Variants in TANK observed in about 807,000 individuals in gnomAD.
The protein encoded by TANK is TRAF family member associated NFKB activator.
In TANK, 15 loss-of-function variants were observed where a neutral mutation model predicts 43.6. The ratio of observed to expected loss-of-function variants is 0.34; its 90% CI spans 0.23 to 0.53. The LOEUF (loss-of-function observed/expected upper bound fraction) is 0.53, where lower values mean the gene tolerates loss of function less well. TANK is among the 20% of genes least tolerant of loss of function. The pLI is 0.94. For missense variants in TANK, 417 were observed against 498.6 expected, an observed-to-expected ratio of 0.84 and a Z score of 1.56; for synonymous variants, 162 against 178.2, an observed-to-expected ratio of 0.91 and a Z score of 0.73.
At chr2:161,209,132 T>A (rs928153292) in intron 4 of TANK, among the ~76,000 whole-genome samples, 1 of 152,194 alleles carries the variant, frequency 6.6e-6, no homozygotes, top group Non-Finnish European at 1.5e-5. Flanking sequence ...GGAAAAAATA[T>A]CATAGCCTGT....
intron 4 of TANK, among the ~76,000 whole-genome samples, chr2:161,220,037 A>G (rs1311103503): frequency 2.0e-5 from 3 of 152,196 alleles, no homozygotes; most frequent in South Asian, 2.1e-4. Context: ...TTTTAAAAGC[A>G]TATTTCTATT....
At position 161,235,671 on chromosome 2, in the gene TANK, C is replaced by T; in HGVS notation, c.*153C>T. On this transcript the variant is annotated 3_prime_UTR_variant, in exon 8 of 8. Coordinates refer to ENST00000392749, the MANE Select transcript of TANK (RefSeq NM_001199135.3). ...TTTTTTCTGGATTTACTATATAACTCTTATTTTTTAAAAGATCATTCTGTT... is the reference window on the plus strand; with the variant it reads ...TTTTTTCTGGATTTACTATATAACTTTTATTTTTTAAAAGATCATTCTGTT... The T allele has an allele frequency of 3.6e-6, 2 of 555,388 alleles. No homozygotes were observed. The highest frequency in any genetic ancestry group is 5.8e-6 in the Non-Finnish European group (2 of 346,186). 34.4% of individuals were successfully genotyped at this position (555,388 alleles called of 1,614,324 possible). A position where few individuals can be genotyped will look rare whatever the true frequency, so the allele number is the denominator to read the frequency against.
At chr2:161,234,567 G>A (rs185711531) in intron 7 of TANK, among the ~76,000 whole-genome samples, 1 of 152,276 alleles carries the variant, frequency 6.6e-6, no homozygotes, top group East Asian at 1.9e-4. Context: ...GTATTTATGT[G>A]CTGGTTATAG....
At chr2:161,191,626 TTAG>T (rs576751327) in intron 2 of TANK, among the ~76,000 whole-genome samples, 132 of 152,282 alleles carry the variant, frequency 8.7e-4, no homozygotes, top group Non-Finnish European at 1.6e-3. Flanking sequence ...AGCTACTAAG[TTAG>T]TAGAATTAGT....
At chr2:161,211,183 G>T (rs1231361616) in intron 4 of TANK, among the ~76,000 whole-genome samples, 1 of 152,186 alleles carries the variant, frequency 6.6e-6, no homozygotes, top group Non-Finnish European at 1.5e-5. Context: ...GTTTTGGCAG[G>T]CAGTACATGA....
At chr2:161,212,781 C>G in intron 4 of TANK, 1 of 985,182 alleles carries the variant, frequency 1.0e-6, no homozygotes, top group Non-Finnish European at 1.2e-6. Context: ...GAATGAAAGG[C>G]TGTTCTCTAA....
intron 2 of TANK, among the ~76,000 whole-genome samples, chr2:161,189,568 G>A (rs1364992390): frequency 6.6e-6 from 1 of 152,032 alleles, no homozygotes; most frequent in African/African-American, 2.4e-5. Flanking sequence ...AGAAATAAAA[G>A]CCATCAAATT....
chr2:161,214,484 T>C (rs1248982131), intron 4 of TANK, among the ~76,000 whole-genome samples: 1 of 147,098 alleles, frequency 6.8e-6, no homozygotes, highest in Non-Finnish European at 1.5e-5. Flanking sequence ...ATTAAGGACA[T>C]TCTTAGTTGA....
chr2:161,184,340 C>G (rs1685560236), intron 2 of TANK, among the ~76,000 whole-genome samples: 1 of 152,032 alleles, frequency 6.6e-6, no homozygotes, highest in African/African-American at 2.4e-5. Flanking sequence ...TATTAAGAAC[C>G]TATTTCATAC....
At chr2:161,174,558 C>T (rs2105283324) in intron 1 of TANK, among the ~76,000 whole-genome samples, 1 of 152,210 alleles carries the variant, frequency 6.6e-6, no homozygotes, top group South Asian at 2.1e-4. Flanking sequence ...AATAAGTCAC[C>T]ATATTTGCTG....
chr2:161,208,631 A>G (rs964583985), intron 4 of TANK, among the ~76,000 whole-genome samples: 1 of 152,120 alleles, frequency 6.6e-6, no homozygotes, highest in African/African-American at 2.4e-5. Flanking sequence ...CTTATGTTGA[A>G]GTCAGGATGT....
chr2:161,163,667 A>ACG (rs1388325174), intron 1 of TANK: 1 of 152,216 alleles, frequency 6.6e-6, no homozygotes, highest in African/African-American at 2.4e-5. Context: ...AAAGGTAATA[A>ACG]CCAAGCTGAC....
Position 161,162,465 on chromosome 2 carries a change from A to G in TANK, c.-50+1979A>G, listed in dbSNP as rs142264774. ...TTTATTAATTTTAATAAATTGTTTCACTTGAATTTTCTAGGAAAACAATCA... is the reference window on the plus strand; with the variant it reads ...TTTATTAATTTTAATAAATTGTTTCGCTTGAATTTTCTAGGAAAACAATCA... On this transcript the variant is annotated intron_variant, in intron 1 of 7. Transcript: ENST00000392749. The G allele has an allele frequency of 8.7e-4, 133 of 152,054 alleles. 1 individual carries two copies. The highest frequency in any genetic ancestry group is 3.0e-3 in the African/African-American group (125 of 41,480). The allele number at this position is 152,054 out of a possible 1,614,324, so 9.4% of individuals were successfully genotyped here. A position where few individuals can be genotyped will look rare whatever the true frequency, so the allele number is the denominator to read the frequency against.
At chr2:161,170,838 A>T (rs79064203) in intron 1 of TANK, among the ~76,000 whole-genome samples, 11 of 152,190 alleles carry the variant, frequency 7.2e-5, no homozygotes, top group South Asian at 6.2e-4. Flanking sequence ...TCTAGACTGG[A>T]CATGTATTGT....
intron 1 of TANK, among the ~76,000 whole-genome samples, chr2:161,153,514 C>A (rs988749801): frequency 1.3e-5 from 2 of 151,546 alleles, no homozygotes; most frequent in Admixed American, 1.3e-4. Context: ...ATGGTGAAAC[C>A]CTGTCTCTAC....
At chr2:161,176,263 T>C (rs1685170151) in intron 1 of TANK, among the ~76,000 whole-genome samples, 1 of 152,194 alleles carries the variant, frequency 6.6e-6, no homozygotes, top group Non-Finnish European at 1.5e-5. Context: ...GTGTTAATAT[T>C]TGAAATCTGT....
At chr2:161,142,489 A>T (rs1328623172) in intron 1 of TANK, among the ~76,000 whole-genome samples, 1 of 151,942 alleles carries the variant, frequency 6.6e-6, no homozygotes, top group African/African-American at 2.4e-5. Flanking sequence ...ATCTTGAGTT[A>T]ATTTTTGTAT....
chr2:161,176,084 A>G (rs1685161781), intron 1 of TANK, among the ~76,000 whole-genome samples: 1 of 152,160 alleles, frequency 6.6e-6, no homozygotes, highest in Non-Finnish European at 1.5e-5. Flanking sequence ...GAGCTTAACC[A>G]TGAGATTTAG....
intron 1 of TANK, among the ~76,000 whole-genome samples, chr2:161,167,913 C>T (rs535737985): frequency 1.3e-5 from 2 of 152,194 alleles, no homozygotes; most frequent in African/African-American, 2.4e-5. Flanking sequence ...TGTGAGCCAC[C>T]GTGCCTGGCC....
Sources: allele counts gnomAD v4.1 joint callset (sites outside exome capture counted in the v4.1 genomes callset), GRCh38; gene constraint gnomAD v4.1.1; transcripts MANE v1.5; gene names NCBI Gene and HGNC (gene_info 2026-07-23, HGNC 2026-07-21).